AKAP17A: variants seen among roughly 807,000 people sequenced by gnomAD.
The protein encoded by AKAP17A is A-kinase anchor protein 17A.
A neutral mutation model predicts 52.2 loss-of-function variants in AKAP17A; 15 were observed. That is an observed-to-expected ratio of 0.29 (90% confidence interval 0.19 to 0.44). AKAP17A has a LOEUF of 0.44. AKAP17A is among the 20% of genes least tolerant of loss of function. The pLI, the probability that AKAP17A is intolerant of heterozygous loss-of-function variation, is 1.00. For missense variants in AKAP17A, 1,060 were observed against 1,007.0 expected (o/e 1.05, Z -0.71); for synonymous variants, 514 against 424.7 (o/e 1.21, Z -2.58).
chrX:1,596,892 G>A (rs28515612), intron 3 of AKAP17A, among the ~76,000 whole-genome samples: 74,481 of 102,538 alleles, frequency 0.73, 25,860 homozygotes, highest in African/African-American at 0.85. Flanking sequence ...CTCCTTCTCC[G>A]TCCCTCCCAC....
In AKAP17A at chrX:1,601,341, G is replaced by A; in HGVS notation, c.1835G>A (p.Arg612Lys). Residue 612 changes from arginine (R) to lysine (K), a missense_variant, in exon 5 of 5, where the codon AGG (arginine) becomes AAG (lysine). Physicochemically the swap from Arg to Lys is conservative, Grantham distance 26 (BLOSUM62 2). Transcript: ENST00000313871. Reference sequence around the variant, plus strand: ...AGCCGGGCCAGGCGGGCCAGCAGCAGGGAGGACGGGAGGCCACGCAAGGAG... The same window carrying A: ...AGCCGGGCCAGGCGGGCCAGCAGCAAGGAGGACGGGAGGCCACGCAAGGAG... ...ERSRARRASS[R>K]EDGRPRKERR... 1 of 1,594,088 alleles carries A rather than the reference G, an allele frequency of 6.3e-7. No homozygotes were observed.
chrX:1,599,732 G>A (rs1933248573), intron 4 of AKAP17A: 6 of 621,642 alleles, frequency 9.7e-6, no homozygotes, highest in Non-Finnish European at 1.7e-5. Context: ...CTTTGGGTCG[G>A]GGCAGTGGCA....
intron 4 of AKAP17A, 102 bp downstream of exon 4, chrX:1,599,534 T>C (rs748939083): frequency 1.3e-6 from 2 of 1,497,108 alleles, no homozygotes; most frequent in Non-Finnish European, 1.8e-6. Context: ...CCCCGCCGGC[T>C]GCAGCTGTAG....
rs1249444687 is a variant in AKAP17A at position 1,602,020 on chromosome X, C to T, written c.*426C>T. 1.7e-5 allele frequency: 3 copies of T among 177,562 alleles called. No individual in the cohort carries two copies. Among genetic ancestry groups the T allele is most frequent in the East Asian group, 1.4e-4 (1 of 6,908 alleles). 11.0% of individuals were successfully genotyped at this position (177,562 alleles called of 1,614,324 possible). On this transcript the variant is annotated 3_prime_UTR_variant, in exon 5 of 5. Transcript: ENST00000313871. ...AGTCACACTGGCACTGAAAAGAAAGCGTTGCCCTGGTGATTCTTTCCCCCC... is the reference window on the plus strand; with the variant it reads ...AGTCACACTGGCACTGAAAAGAAAGTGTTGCCCTGGTGATTCTTTCCCCCC...
intron 3 of AKAP17A, among the ~76,000 whole-genome samples, chrX:1,597,254 T>C: frequency 6.6e-6 from 1 of 150,972 alleles, no homozygotes; most frequent in East Asian, 1.9e-4. Flanking sequence ...CAGGGGAGAG[T>C]CGGGTTGTCA....
In AKAP17A at chrX:1,600,871, G is replaced by T; in HGVS notation, c.1365G>T (p.Glu455Asp). 6.3e-7 allele frequency: 1 copy of T among 1,587,038 alleles called. No homozygotes were observed. Residue 455 changes from glutamate (E) to aspartate (D), a missense_variant, in exon 5 of 5, where the codon GAG becomes GAT. Glu to Asp is a conservative substitution (Grantham distance 45). Around this residue, in one of 2 missense-constraint regions of AKAP17A, gnomAD observed 793 missense variants for 629.9 expected, o/e 1.26. Coordinates refer to ENST00000313871, the MANE Select transcript of AKAP17A (RefSeq NM_005088.3). ...CGGACGACAGCCACACACACGACGA[G>T]CTGGGCGTGGCACACGCCGACCTGC... Reference protein sequence around the residue: ...KKPDDSHTHDELGVAHADLLQ... With the variant: ...KKPDDSHTHDDLGVAHADLLQ...
rs28661622 is a variant in AKAP17A, at chrX:1,601,004, C to G, written c.1498C>G (p.Pro500Ala). 874,765 of 1,603,826 alleles carry G rather than the reference C, an allele frequency of 0.55. 240,165 individuals carry two copies. The highest frequency in any genetic ancestry group is 0.67 in the Middle Eastern group (3,394 of 5,036). ...CCCGGCCGGTGCCCCCAAGGAGAGC[C>G]CGGCCCACCCAGAGGCCGACGGCGC... Reference protein sequence around the residue: ...QPPAGAPKESPAHPEADGAPK... With the variant: ...QPPAGAPKESAAHPEADGAPK... Residue 500 changes from proline to alanine, a missense_variant, in exon 5 of 5, where the codon CCG (proline) becomes GCG (alanine). Pro to Ala is a conservative substitution (Grantham distance 27). Coordinates refer to ENST00000313871, the MANE Select transcript of AKAP17A (RefSeq NM_005088.3).
intron 3 of AKAP17A, among the ~76,000 whole-genome samples, chrX:1,598,059 C>T (rs1933107351): frequency 6.6e-6 from 1 of 151,868 alleles, no homozygotes; most frequent in Non-Finnish European, 1.5e-5. Flanking sequence ...TTGTTCAGCC[C>T]TCACGTGTAA....
At chrX:1,597,234 G>A (rs1267355456) in intron 3 of AKAP17A, among the ~76,000 whole-genome samples, 5 of 152,182 alleles carry the variant, frequency 3.3e-5, no homozygotes, top group African/African-American at 7.2e-5. Flanking sequence ...CGTAGCCCCC[G>A]TTGCCTCCCC....
In AKAP17A at chrX:1,601,018, G is replaced by C; in HGVS notation, c.1512G>C (p.Glu504Asp). 6.2e-7 allele frequency: 1 copy of C among 1,610,180 alleles called. No homozygotes were observed. Reference protein sequence around the residue: ...GAPKESPAHPEADGAPKSVNG... With the variant: ...GAPKESPAHPDADGAPKSVNG... ...CCAAGGAGAGCCCGGCCCACCCAGA[G>C]GCCGACGGCGCTCCCAAAAGCGTGA... Residue 504 changes from glutamate (E) to aspartate (D), a missense_variant, in exon 5 of 5, where the codon GAG becomes GAC. Transcript: ENST00000313871.
At chrX:1,599,064 G>T in intron 3 of AKAP17A, 128 bp from the exon 4 acceptor site, 1 of 1,431,466 alleles carries the variant, frequency 7.0e-7, no homozygotes, top group Non-Finnish European at 9.4e-7. Context: ...GTCCACCTTG[G>T]GATAAAGAGT....
chrX:1,596,219 C>T (rs1267252345), intron 3 of AKAP17A, among the ~76,000 whole-genome samples: 26 of 110,274 alleles, frequency 2.4e-4, no homozygotes, highest in African/African-American at 1.0e-3. Context: ...ATGGTGATGG[C>T]CAGATTTAAA....
At position 1,601,744 on chromosome X, in the gene AKAP17A, A is replaced by G; in HGVS notation, c.*150A>G. The G allele has an allele frequency of 1.5e-6, 1 of 648,724 alleles. No individual in the cohort carries two copies. Among genetic ancestry groups the G allele is most frequent in the Non-Finnish European group, 2.3e-6 (1 of 432,846 alleles). 40.2% of individuals were successfully genotyped at this position (648,724 alleles called of 1,614,324 possible). On this transcript the variant is annotated 3_prime_UTR_variant, in exon 5 of 5. Transcript: ENST00000313871. ...TCCACGGAGCCCGCCGGCAGGAAGG[A>G]AGACACCATGCTTTAGAGATCCATC...
At position 1,600,970 on chromosome X, in the gene AKAP17A, G is replaced by T. The variant is rs1419643377; in HGVS notation, c.1464G>T (p.Gly488=). The T allele has an allele frequency of 1.4e-5, 23 of 1,592,124 alleles. No individual in the cohort carries two copies. Among genetic ancestry groups the T allele is most frequent in the Non-Finnish European group, 2.0e-5 (23 of 1,171,108 alleles). The stretch of plus-strand genomic sequence containing the variant: ...GCGCCACCACGCTGCACCCCCTCGG[G>T]GGCCAGCCCCCGGCCGGTGCCCCCA... ...CVSATTLHPL[G]GQPPAGAPKE... Residue 488 remains glycine (G), a synonymous_variant, in exon 5 of 5, where the codon GGG becomes GGT. Coordinates refer to ENST00000313871, the MANE Select transcript of AKAP17A (RefSeq NM_005088.3).
chrX:1,599,564 G>A (rs1356054784), intron 4 of AKAP17A, 132 bp downstream of exon 4: 3 of 1,281,160 alleles, frequency 2.3e-6, no homozygotes, highest in Non-Finnish European at 3.3e-6. Context: ...CAGCTTTAAT[G>A]CCGAGGATGA....
At chrX:1,597,138 T>C (rs1415076840) in intron 3 of AKAP17A, among the ~76,000 whole-genome samples, 4 of 152,170 alleles carry the variant, frequency 2.6e-5, no homozygotes, top group Non-Finnish European at 4.4e-5. Flanking sequence ...TGCCAGCGTG[T>C]TGATGTGTGT....
Position 1,593,842 on chromosome X carries a change from G to C in AKAP17A, c.380G>C (p.Trp127Ser). ...FKIDFPTRHD[W>S]DSFFRDAKDM... ...ATCGACTTCCCCACCCGCCACGACT[G>C]GGACTCCTTCTTCCGCGACGCCAAG... Residue 127 changes from tryptophan (W) to serine (S), a missense_variant, in exon 2 of 5, where the codon TGG becomes TCG. By Grantham distance (177) the Trp-to-Ser change is radical (BLOSUM62 -3). This residue lies in a region of AKAP17A where 267 missense variants were observed against 377.1 expected (regional missense o/e 0.71). Coordinates refer to ENST00000313871, the MANE Select transcript of AKAP17A (RefSeq NM_005088.3). 1 of 1,612,530 alleles carries C rather than the reference G, an allele frequency of 6.2e-7. No homozygotes were observed. The highest frequency in any genetic ancestry group is 8.5e-7 in the Non-Finnish European group (1 of 1,179,070).
At position 1,599,344 on chromosome X, in the gene AKAP17A, A is replaced by G. The variant is rs1341351380; in HGVS notation, c.1064A>G (p.Lys355Arg). The G allele has an allele frequency of 6.2e-7, 1 of 1,600,802 alleles. No individual in the cohort carries two copies. Among genetic ancestry groups the G allele is most frequent in the Admixed American group, 1.8e-5 (1 of 57,094 alleles). ...GAGGAGCAGAAGCAGCTGCAGGAGA[A>G]GATCAAGCTGGAGGAGCGCAAGCTG... ...QAEEQKQLQE[K>R]IKLEERKLLL... Residue 355 changes from lysine (K) to arginine (R), a missense_variant, in exon 4 of 5, where the codon AAG becomes AGG. Lys to Arg is a conservative substitution (Grantham distance 26). This residue lies in a region of AKAP17A where 793 missense variants were observed against 629.9 expected (regional missense o/e 1.26). Transcript: ENST00000313871.
At chrX:1,600,472 C>T (rs1366049566) in intron 4 of AKAP17A, among the ~76,000 whole-genome samples, 187 bp from the exon 5 acceptor site, 5 of 152,044 alleles carry the variant, frequency 3.3e-5, no homozygotes, top group East Asian at 1.9e-4. Flanking sequence ...CCGCGGGAGC[C>T]GAGGGATGGA....
Sources: gnomAD v4.1 joint callset for allele counts (sites outside exome capture counted in the v4.1 genomes callset) on GRCh38, gnomAD v4.1.1 for gene constraint, gnomAD v4.1.1 regional missense constraint, MANE v1.5 for transcripts, NCBI Gene and HGNC (gene_info 2026-07-23, HGNC 2026-07-21) for gene names.